Variants in ABHD17B observed in about 807,000 individuals in gnomAD.
ABHD17B encodes the protein abhydrolase domain containing 17B, depalmitoylase.
A neutral mutation model predicts 26.2 loss-of-function variants in ABHD17B; 9 were observed. The ratio of observed to expected loss-of-function variants is 0.34; its 90% CI spans 0.21 to 0.60. The LOEUF (loss-of-function observed/expected upper bound fraction) is 0.60, where lower values mean the gene tolerates loss of function less well. Among genes scored for constraint, ABHD17B ranks in the 20% least tolerant of loss-of-function variants. ABHD17B has a pLI of 0.80. For missense variants in ABHD17B, 224 were observed against 352.1 expected (o/e 0.64, Z 2.91); for synonymous variants, 127 against 122.3 (o/e 1.04, Z -0.25).
At chr9:71,879,491 A>G (rs1307903853) in intron 1 of ABHD17B, among the ~76,000 whole-genome samples, 1 of 152,206 alleles carries the variant, frequency 6.6e-6, no homozygotes, top group Non-Finnish European at 1.5e-5. Flanking sequence ...TAAGTCAGAT[A>G]TAATCATCAG....
intron 1 of ABHD17B, among the ~76,000 whole-genome samples, chr9:71,909,809 T>C (rs1486991213): frequency 6.6e-6 from 1 of 152,138 alleles, no homozygotes; most frequent in Non-Finnish European, 1.5e-5. Flanking sequence ...ACTTAAAGCA[T>C]CATTTACAAA....
rs1589206781 is a variant in ABHD17B at position 71,866,174 on chromosome 9, G to A, written c.*613C>T. On this transcript the variant is annotated 3_prime_UTR_variant, in exon 4 of 4. Transcript: ENST00000333421. Reference sequence around the variant, plus strand: ...AAGGTAACTCATTGGTAAATTAATAGATGGCATAAAAATTAAGATTTACAT... The same window carrying A: ...AAGGTAACTCATTGGTAAATTAATAAATGGCATAAAAATTAAGATTTACAT... 1.0e-6 allele frequency: 1 copy of A among 983,430 alleles called. No individual in the cohort carries two copies. 60.9% of individuals were successfully genotyped at this position (983,430 alleles called of 1,614,324 possible). A position where few individuals can be genotyped will look rare whatever the true frequency, so the allele number is the denominator to read the frequency against.
intron 1 of ABHD17B, among the ~76,000 whole-genome samples, chr9:71,879,357 T>C (rs183832831): frequency 8.7e-4 from 132 of 152,182 alleles, no homozygotes; most frequent in Middle Eastern, 3.4e-3. Flanking sequence ...ACGAAGAGGA[T>C]TGACAAAAGA....
chr9:71,866,973 T>C lies in ABHD17B; in HGVS notation c.681A>G (p.Val227=). The C allele has an allele frequency of 6.2e-7, 1 of 1,614,100 alleles. No homozygotes were observed. The highest frequency in any genetic ancestry group is 8.5e-7 in the Non-Finnish European group (1 of 1,180,010). ...IDKISKITSP[V]LIIHGTEDEV... Reference sequence around the variant, plus strand: ...CATCTTCAGTCCCATGAATTATTAATACTGGAGAGGTTATCTTAGAGATTT... The same window carrying C: ...CATCTTCAGTCCCATGAATTATTAACACTGGAGAGGTTATCTTAGAGATTT... The change falls in exon 4 of 4, where the codon GTA becomes GTG. Residue 227 remains valine (V), a synonymous_variant. Coordinates refer to ENST00000333421, the MANE Select transcript of ABHD17B (RefSeq NM_001025780.3).
intron 1 of ABHD17B, among the ~76,000 whole-genome samples, chr9:71,909,417 C>T (rs910975967): frequency 4.6e-5 from 7 of 152,180 alleles, no homozygotes; most frequent in Admixed American, 4.6e-4. Flanking sequence ...TACTAGCAAT[C>T]ATGACAATTT....
At chr9:71,868,751 C>T (rs1054735369) in intron 3 of ABHD17B, among the ~76,000 whole-genome samples, 28 of 152,150 alleles carry the variant, frequency 1.8e-4, no homozygotes, top group African/African-American at 6.5e-4. Flanking sequence ...TGCAGTGGCA[C>T]CATCTTGGCT....
chr9:71,889,577 T>C (rs1247246236), intron 1 of ABHD17B, among the ~76,000 whole-genome samples: 1 of 152,092 alleles, frequency 6.6e-6, no homozygotes, highest in African/African-American at 2.4e-5. Flanking sequence ...TGTGCGATAC[T>C]GGTGGGGGAC....
At position 71,866,592 on chromosome 9, in the gene ABHD17B, C is replaced by T. The variant is rs1825961988; in HGVS notation, c.*195G>A. On this transcript the variant is annotated 3_prime_UTR_variant, in exon 4 of 4. Transcript: ENST00000333421. ...AAAAAATATAAATTACACAGCCTGA[C>T]TGCACGGTACTGTTATTTCCAGTTT... The T allele has an allele frequency of 1.4e-6, 2 of 1,403,068 alleles. No homozygotes were observed. Among genetic ancestry groups the T allele is most frequent in the East Asian group, 2.6e-5 (1 of 38,824 alleles). 86.9% of individuals were successfully genotyped at this position (1,403,068 alleles called of 1,614,324 possible).
chr9:71,881,897 C>G (rs1411071894), intron 1 of ABHD17B, among the ~76,000 whole-genome samples: 4 of 146,424 alleles, frequency 2.7e-5, no homozygotes, highest in Non-Finnish European at 6.0e-5. Flanking sequence ...AAAAAACAAA[C>G]CAAAAAAAAA....
At chr9:71,872,507 TGTTTTGTTTGAGTAAA>T (rs1396463786) in intron 2 of ABHD17B, among the ~76,000 whole-genome samples, 1 of 152,124 alleles carries the variant, frequency 6.6e-6, no homozygotes, top group Non-Finnish European at 1.5e-5. Context: ...AATACTAACA[TGTTTTGTTTGAGTAAA>T]GTGACCCTTT....
intron 1 of ABHD17B, among the ~76,000 whole-genome samples, chr9:71,893,264 C>T (rs980964634): frequency 6.6e-6 from 1 of 152,304 alleles, no homozygotes; most frequent in East Asian, 1.9e-4. Flanking sequence ...AGTTCAATTC[C>T]AACATTATCT....
At chr9:71,870,854 A>G (rs899883122) in intron 2 of ABHD17B, among the ~76,000 whole-genome samples, 3 of 152,236 alleles carry the variant, frequency 2.0e-5, no homozygotes, top group Non-Finnish European at 2.9e-5. Flanking sequence ...GAAAAGATAA[A>G]AAAGAATTCC....
chr9:71,874,124 A>G (rs1444114354), intron 2 of ABHD17B, among the ~76,000 whole-genome samples: 1 of 152,146 alleles, frequency 6.6e-6, no homozygotes, highest in Non-Finnish European at 1.5e-5. Context: ...CATTTTTTAT[A>G]TCACACTCCA....
chr9:71,862,625 T>A, downstream of ABHD17B: 1 of 1,054,670 alleles, frequency 9.5e-7, no homozygotes, highest in Non-Finnish European at 1.5e-6. Context: ...ATAAAGGGAT[T>A]AGGCTATATC....
intron 1 of ABHD17B, among the ~76,000 whole-genome samples, chr9:71,883,210 ATAT>A (rs991495203): frequency 6.6e-6 from 1 of 152,208 alleles, no homozygotes; most frequent in African/African-American, 2.4e-5. Flanking sequence ...TGTCAATTAT[ATAT>A]TAATAAAGAA....
intron 1 of ABHD17B, among the ~76,000 whole-genome samples, chr9:71,898,443 C>A (rs1175162565): frequency 6.9e-6 from 1 of 145,212 alleles, no homozygotes; most frequent in Non-Finnish European, 1.5e-5. Context: ...ACCAGCCTGA[C>A]CAACATGGCG....
chr9:71,902,279 T>C (rs1246633080), intron 1 of ABHD17B, among the ~76,000 whole-genome samples: 2 of 152,200 alleles, frequency 1.3e-5, no homozygotes, highest in African/African-American at 2.4e-5. Context: ...TGCATGTGTA[T>C]GAACTAGGTT....
intron 1 of ABHD17B, among the ~76,000 whole-genome samples, chr9:71,876,378 T>A (rs1283158029): frequency 2.0e-5 from 3 of 152,170 alleles, no homozygotes; most frequent in Non-Finnish European, 2.9e-5. Flanking sequence ...GTTGGTGTAG[T>A]GAAGGCCCAT....
chr9:71,878,285 GTAAT>G (rs1261650663), intron 1 of ABHD17B, among the ~76,000 whole-genome samples: 1 of 152,124 alleles, frequency 6.6e-6, no homozygotes, highest in Non-Finnish European at 1.5e-5. Flanking sequence ...ATCAGGTTGA[GTAAT>G]TTGCAAATAT....
Sources: allele counts gnomAD v4.1 joint callset (sites outside exome capture counted in the v4.1 genomes callset), GRCh38; gene constraint gnomAD v4.1.1; transcripts MANE v1.5; gene names NCBI Gene and HGNC (gene_info 2026-07-23, HGNC 2026-07-21).